Variants in DTYMK observed in about 807,000 individuals in gnomAD.
DTYMK encodes thymidylate kinase.
A neutral mutation model predicts 20.3 loss-of-function variants in DTYMK; 20 were observed. That is an observed-to-expected ratio of 0.99 (90% confidence interval 0.69 to 1.43). DTYMK has a LOEUF of 1.43. DTYMK is among the 40% of genes most tolerant of loss of function. The probability of loss-of-function intolerance (pLI) is 0.00; values close to 1 mark genes in which losing one functional copy is unlikely to be tolerated. For synonymous variants in DTYMK, 148 were observed against 124.4 expected, an observed-to-expected ratio of 1.19 and a Z score of -1.27; for missense variants, 320 against 291.1, an observed-to-expected ratio of 1.10 and a Z score of -0.72.
chr2:241,676,120 C>T lies in DTYMK; in HGVS notation c.*7G>A, dbSNP rs755490250. On this transcript the variant is annotated 3_prime_UTR_variant, in exon 5 of 5. Transcript: ENST00000305784. Reference sequence around the variant, plus strand: ...AGGGAGAGGCGTCTCCAGTGGGCAGCCTTGGGTCACTTCCATAGCTCCCCC... The same window carrying T: ...AGGGAGAGGCGTCTCCAGTGGGCAGTCTTGGGTCACTTCCATAGCTCCCCC... 2 of 1,607,228 alleles carry T rather than the reference C, an allele frequency of 1.2e-6. No homozygotes were observed. Among genetic ancestry groups the T allele is most frequent in the Non-Finnish European group, 1.7e-6 (2 of 1,176,726 alleles).
At chr2:241,677,079 G>A (rs2069134197) in intron 4 of DTYMK, among the ~76,000 whole-genome samples, 1 of 152,260 alleles carries the variant, frequency 6.6e-6, no homozygotes, top group Non-Finnish European at 1.5e-5. Flanking sequence ...CAGTGAGAGG[G>A]ACTCAGAAGC....
chr2:241,682,108 G>A (rs1260177658), intron 2 of DTYMK: 4 of 363,562 alleles, frequency 1.1e-5, no homozygotes, highest in Non-Finnish European at 1.6e-5. Flanking sequence ...GGAAACCAAG[G>A]CAGGAGGACT....
chr2:241,680,164 C>A (rs1319736683), intron 3 of DTYMK, 65 bp downstream of exon 3: 34 of 1,488,916 alleles, frequency 2.3e-5, no homozygotes, highest in Non-Finnish European at 3.2e-5. Context: ...CTCGTACTCG[C>A]ATTCAAGGGC....
At position 241,677,194 on chromosome 2, in the gene DTYMK, G is replaced by A. The variant is rs148587167; in HGVS notation, c.529-957C>T. Among the ~76,000 whole-genome samples the A allele has an allele frequency of 5.9e-5, 9 of 152,318 alleles. No individual in the cohort carries two copies. The East Asian group carries it at 1.4e-3, about 23-fold the overall frequency. ...AGAAAATCTGCCAGGGGCGTAGAAG[G>A]CACTTGGAAGAATCTAACCATTTCA... On this transcript the variant is annotated intron_variant, in intron 4 of 4. Transcript: ENST00000305784.
rs755505396 is a variant in DTYMK at position 241,680,265 on chromosome 2, G to GT, written c.293dup (p.Tyr98Ter). 1 of 1,614,178 alleles carries GT rather than the reference G, an allele frequency of 6.2e-7. No homozygotes were observed. Among genetic ancestry groups the GT allele is most frequent in the Non-Finnish European group, 8.5e-7 (1 of 1,180,028 alleles). ...SQGVTLVVDR[Y>*]AFSGVAFTGA... ...CGGTGAAGGCCACACCAGAAAATGC[G>GT]TATCTGTCCACGACGAGGGTCACGC... Residue 98 changes from tyrosine (Y) to a stop codon, truncating the protein, a stop_gained and frameshift_variant, in exon 3 of 5, where the codon TAC becomes TAAC. Coordinates refer to ENST00000305784, the MANE Select transcript of DTYMK (RefSeq NM_012145.4). LOFTEE classifies it high-confidence loss of function.
chr2:241,682,072 C>T lies in DTYMK; in HGVS notation c.240-1753G>A, dbSNP rs1487990465. ...AAAAAAATAAGGCCAGGCAGGGTGG[C>T]TCATGCCTCTAATCACAGCACTTTG... On this transcript the variant is annotated intron_variant, in intron 2 of 4. Transcript: ENST00000305784. 5 of 328,180 alleles carry T rather than the reference C, an allele frequency of 1.5e-5. 1 individual carries two copies. The highest frequency in any genetic ancestry group is 4.4e-5 in the South Asian group (2 of 45,210). 20.3% of individuals were successfully genotyped at this position (328,180 alleles called of 1,614,324 possible). A position where few individuals can be genotyped will look rare whatever the true frequency, so the allele number is the denominator to read the frequency against.
chr2:241,677,750 G>C (rs941820874), intron 4 of DTYMK, among the ~76,000 whole-genome samples: 20 of 152,342 alleles, frequency 1.3e-4, no homozygotes, highest in African/African-American at 4.1e-4. Flanking sequence ...GATTGAAGGA[G>C]GCAGGACTGA....
At chr2:241,686,361 C>T (rs2069403438) in intron 1 of DTYMK, among the ~76,000 whole-genome samples, 1 of 152,230 alleles carries the variant, frequency 6.6e-6, no homozygotes, top group Non-Finnish European at 1.5e-5. Flanking sequence ...CATCACCATA[C>T]CCCGCACTTA....
At chr2:241,678,775 T>G (rs2069176136) in intron 3 of DTYMK, 126 bp from the exon 4 acceptor site, 1 of 1,096,530 alleles carries the variant, frequency 9.1e-7, no homozygotes, top group Admixed American at 2.7e-5. Flanking sequence ...GTTTATATTG[T>G]GGCTCGTTTA....
intron 2 of DTYMK, among the ~76,000 whole-genome samples, chr2:241,683,817 G>T (rs1401469497): frequency 6.6e-6 from 1 of 152,148 alleles, no homozygotes; most frequent in Non-Finnish European, 1.5e-5. Flanking sequence ...CAGCACTGTG[G>T]GAGGCCGACG....
In DTYMK at chr2:241,686,579, C is replaced by T. The variant is rs573520579; in HGVS notation, c.130+75G>A. On this transcript the variant is annotated intron_variant, in intron 1 of 4. Coordinates refer to ENST00000305784, the MANE Select transcript of DTYMK (RefSeq NM_012145.4). ...TTCACAGCACGCCAGCCGCAGACAA[C>T]GAAGCGGAGCAAAGAGCCCCTGGGA... 7.3e-5 allele frequency: 103 copies of T among 1,406,264 alleles called. 1 individual carries two copies. In the South Asian group the frequency reaches 1.5e-3, roughly 21 times the overall value. The allele number at this position is 1,406,264 out of a possible 1,614,324, so 87.1% of individuals were successfully genotyped here.
chr2:241,682,377 G>A, intron 2 of DTYMK: 2 of 355,930 alleles, frequency 5.6e-6, no homozygotes, highest in Non-Finnish European at 1.1e-5. Flanking sequence ...AACAGAAAAG[G>A]CAAACCACAG....
Position 241,675,980 on chromosome 2 carries a change from G to T in DTYMK, c.*147C>A. On this transcript the variant is annotated 3_prime_UTR_variant, in exon 5 of 5. Transcript: ENST00000305784. Reference sequence around the variant, plus strand: ...GTCCCCAGTGCACCCCAGCTCCGGGGCAGAAGAGGCAGCCTGCAGATCTCT... The same window carrying T: ...GTCCCCAGTGCACCCCAGCTCCGGGTCAGAAGAGGCAGCCTGCAGATCTCT... 1.3e-6 allele frequency: 1 copy of T among 773,066 alleles called. No homozygotes were observed. Among genetic ancestry groups the T allele is most frequent in the Non-Finnish European group, 2.0e-6 (1 of 508,736 alleles). The allele number at this position is 773,066 out of a possible 1,614,324, so 47.9% of individuals were successfully genotyped here.
intron 1 of DTYMK, among the ~76,000 whole-genome samples, chr2:241,686,104 C>T (rs1260179149): frequency 2.0e-5 from 3 of 152,152 alleles, no homozygotes; most frequent in Non-Finnish European, 2.9e-5. Flanking sequence ...GAAAAAAGAA[C>T]TCGGGTAGAA....
intron 4 of DTYMK, among the ~76,000 whole-genome samples, chr2:241,678,232 T>C (rs762789445): frequency 1.3e-5 from 2 of 151,788 alleles, no homozygotes; most frequent in Non-Finnish European, 2.9e-5. Flanking sequence ...ATCGTGCCAT[T>C]GCACTCCAGC....
intron 2 of DTYMK, chr2:241,682,199 C>A: frequency 2.2e-6 from 1 of 450,862 alleles, no homozygotes; most frequent in South Asian, 1.6e-5. Context: ...AAAAATTAGC[C>A]AGGTGTGTTA....
At position 241,678,469 on chromosome 2, in the gene DTYMK, T is replaced by A. The variant is rs775002741; in HGVS notation, c.511A>T (p.Thr171Ser). ...ATTCTCACCTTCCAGTTCAAAGTCG[T>A]GTCTTTCATGAGCTGGTGGAAACAC... ...LRCFHQLMKD[T>S]TLNWKMVDAS... Residue 171 changes from threonine to serine, a missense_variant, in exon 4 of 5, where the codon ACG (threonine) becomes TCG (serine). Thr to Ser is a moderately conservative substitution (Grantham distance 58, BLOSUM62 1). Coordinates refer to ENST00000305784, the MANE Select transcript of DTYMK (RefSeq NM_012145.4). 1.2e-6 allele frequency: 2 copies of A among 1,614,212 alleles called. No homozygotes were observed. Among genetic ancestry groups the A allele is most frequent in the Non-Finnish European group, 1.7e-6 (2 of 1,180,042 alleles).
intron 2 of DTYMK, chr2:241,684,840 TG>T (rs2069342329): frequency 2.3e-6 from 1 of 435,842 alleles, no homozygotes; most frequent in Non-Finnish European, 4.7e-6. Context: ...TTTTAACAAA[TG>T]TAACATAACA....
chr2:241,676,111 A>G lies in DTYMK; in HGVS notation c.*16T>C. 6.3e-7 allele frequency: 1 copy of G among 1,590,446 alleles called. No individual in the cohort carries two copies. The highest frequency in any genetic ancestry group is 8.6e-7 in the Non-Finnish European group (1 of 1,167,180). ...GGGGACTGCAGGGAGAGGCGTCTCC[A>G]GTGGGCAGCCTTGGGTCACTTCCAT... is the stretch of plus-strand genomic sequence containing the variant. On this transcript the variant is annotated 3_prime_UTR_variant, in exon 5 of 5. Coordinates refer to ENST00000305784, the MANE Select transcript of DTYMK (RefSeq NM_012145.4).
Sources: gnomAD v4.1 joint callset for allele counts (sites outside exome capture counted in the v4.1 genomes callset) on GRCh38, gnomAD v4.1.1 for gene constraint, MANE v1.5 for transcripts, NCBI Gene and HGNC (gene_info 2026-07-23, HGNC 2026-07-21) for gene names.